KATNA1: variants seen among roughly 807,000 people sequenced by gnomAD.
The protein encoded by KATNA1 is katanin catalytic subunit A1.
KATNA1 carries 42 observed loss-of-function variants against 62.6 expected under a neutral mutation model. The observed-to-expected ratio is 0.67, with a 90% CI of 0.52 to 0.87. KATNA1 has a LOEUF of 0.87. Ranked by LOEUF, KATNA1 falls within the 40% of genes least tolerant of loss-of-function variation. The pLI is 0.00. For missense variants in KATNA1, 498 were observed against 612.5 expected (o/e 0.81, Z 1.97); for synonymous variants, 186 against 201.9 (o/e 0.92, Z 0.67).
chr6:149,627,484 C>T (rs1482752373), intron 3 of KATNA1, among the ~76,000 whole-genome samples: 1 of 146,672 alleles, frequency 6.8e-6, no homozygotes, highest in African/African-American at 2.6e-5. Flanking sequence ...GCCAAGATTA[C>T]ACCACTGCAT....
intron 2 of KATNA1, among the ~76,000 whole-genome samples, chr6:149,635,385 T>C (rs1199167894): frequency 6.6e-6 from 1 of 152,246 alleles, no homozygotes; most frequent in East Asian, 1.9e-4. Context: ...ATTATATATG[T>C]ATTTAATGCC....
At chr6:149,605,400 AAGATT>A (rs1465391379) in intron 4 of KATNA1, among the ~76,000 whole-genome samples, 2 of 152,220 alleles carry the variant, frequency 1.3e-5, no homozygotes, top group African/African-American at 2.4e-5. Context: ...TAGAGGAGAT[AAGATT>A]AAAGACAGAT....
chr6:149,635,369 T>C (rs534783134), intron 2 of KATNA1, among the ~76,000 whole-genome samples: 2 of 152,326 alleles, frequency 1.3e-5, no homozygotes, highest in Non-Finnish European at 2.9e-5. Context: ...ATGGTGATGG[T>C]TGTACATTAT....
chr6:149,604,814 A>G, intron 4 of KATNA1, 32 bp from the exon 5 acceptor site: 1 of 1,599,492 alleles, frequency 6.3e-7, no homozygotes, highest in South Asian at 1.1e-5. Flanking sequence ...AGCGCTTTTG[A>G]TTCATTTATT....
chr6:149,631,063 T>C (rs1451648809), intron 3 of KATNA1, among the ~76,000 whole-genome samples: 1 of 152,152 alleles, frequency 6.6e-6, no homozygotes, highest in Non-Finnish European at 1.5e-5. Flanking sequence ...TAGCCTAAAA[T>C]AGTTCAGGAC....
At chr6:149,603,498 C>T (rs1201184226) in intron 5 of KATNA1, 125 bp from the exon 6 acceptor site, 5 of 533,888 alleles carry the variant, frequency 9.4e-6, no homozygotes, top group Middle Eastern at 3.8e-4. Flanking sequence ...TCTCTGAGCC[C>T]GGGTGAACTA....
intron 4 of KATNA1, among the ~76,000 whole-genome samples, chr6:149,616,199 A>T (rs537136206): frequency 6.6e-6 from 1 of 152,336 alleles, no homozygotes; most frequent in African/African-American, 2.4e-5. Context: ...GTACACTTAA[A>T]AACCGTTAAA....
intron 2 of KATNA1, 66 bp from the exon 3 acceptor site, chr6:149,632,982 G>T: frequency 8.0e-7 from 1 of 1,253,162 alleles, no homozygotes; most frequent in South Asian, 1.6e-5. Flanking sequence ...ATTAAATGAG[G>T]GCCATTTACT....
At chr6:149,625,368 C>T (rs184938520) in intron 3 of KATNA1, among the ~76,000 whole-genome samples, 1 of 152,318 alleles carries the variant, frequency 6.6e-6, no homozygotes, top group East Asian at 1.9e-4. Context: ...GGCACGGTGG[C>T]TCACAATCCC....
At chr6:149,634,953 T>TC (rs1477876634) in intron 2 of KATNA1, among the ~76,000 whole-genome samples, 1 of 151,802 alleles carries the variant, frequency 6.6e-6, no homozygotes, top group East Asian at 1.9e-4. Flanking sequence ...TTTTTTTTTT[T>TC]TTCAAATATT....
intron 10 of KATNA1, 77 bp downstream of exon 10, chr6:149,596,986 C>G (rs1051795594): frequency 6.7e-7 from 1 of 1,487,614 alleles, no homozygotes; most frequent in African/African-American, 1.4e-5. Flanking sequence ...GAGACTGTGT[C>G]TCAAAAAACA....
Position 149,648,547 on chromosome 6 carries a change from G to A in KATNA1, c.-92C>T, listed in dbSNP as rs1012631348. ...GGCGGAGTGGAGATCCCGGCAGCGA[G>A]GAAGGAGGGCCTGACCCAGTCCAGC... On this transcript the variant is annotated 5_prime_UTR_variant, in exon 1 of 11. Transcript: ENST00000367411. 5 of 152,370 alleles carry A rather than the reference G, an allele frequency of 3.3e-5. No homozygotes were observed. The highest frequency in any genetic ancestry group is 1.2e-4 in the African/African-American group (5 of 41,412). The allele number at this position is 152,370 out of a possible 1,614,324, so 9.4% of individuals were successfully genotyped here. A position where few individuals can be genotyped will look rare whatever the true frequency, so the allele number is the denominator to read the frequency against.
chr6:149,625,395 G>C (rs150835362), intron 3 of KATNA1, among the ~76,000 whole-genome samples: 9 of 152,328 alleles, frequency 5.9e-5, no homozygotes, highest in African/African-American at 1.9e-4. Flanking sequence ...TTGGGAGGCT[G>C]AAGTGGGTAG....
At chr6:149,597,743 A>G in intron 8 of KATNA1, 102 bp from the exon 9 acceptor site, 1 of 1,107,350 alleles carries the variant, frequency 9.0e-7, no homozygotes, top group South Asian at 1.5e-5. Flanking sequence ...ACAACAATAC[A>G]AGGAAGCACA....
At chr6:149,624,975 C>G (rs1779552126) in intron 3 of KATNA1, among the ~76,000 whole-genome samples, 1 of 150,890 alleles carries the variant, frequency 6.6e-6, no homozygotes, top group South Asian at 2.1e-4. Flanking sequence ...CAAGAGGGTA[C>G]AATTATAGAC....
At chr6:149,618,247 A>T (rs1292776307) in intron 4 of KATNA1, among the ~76,000 whole-genome samples, 1 of 151,190 alleles carries the variant, frequency 6.6e-6, no homozygotes, top group African/African-American at 2.4e-5. Context: ...GGAGGTTGAG[A>T]CGGGCGGATC....
At chr6:149,609,809 A>AG (rs1778878235) in intron 4 of KATNA1, among the ~76,000 whole-genome samples, 1 of 146,548 alleles carries the variant, frequency 6.8e-6, no homozygotes, top group African/African-American at 2.5e-5. Context: ...TCTCAAAAAA[A>AG]AAAAAAATAG....
At chr6:149,625,208 G>A (rs2114582783) in intron 3 of KATNA1, among the ~76,000 whole-genome samples, 1 of 152,230 alleles carries the variant, frequency 6.6e-6, no homozygotes, top group South Asian at 2.1e-4. Flanking sequence ...GTCTAATACT[G>A]AACATGATAT....
At position 149,638,376 on chromosome 6, in the gene KATNA1, T is replaced by A; in HGVS notation, c.162+10A>T. The A allele has an allele frequency of 6.2e-7, 1 of 1,609,206 alleles. No homozygotes were observed. The highest frequency in any genetic ancestry group is 1.3e-5 in the African/African-American group (1 of 74,766). Reference sequence around the variant, plus strand: ...AAGCCATTAAAACATACAGCAGCCATTACTCTCACCTGTTGCCATTTCTGC... The same window carrying A: ...AAGCCATTAAAACATACAGCAGCCAATACTCTCACCTGTTGCCATTTCTGC... On this transcript the variant is annotated intron_variant, in intron 2 of 10. Coordinates refer to ENST00000367411, the MANE Select transcript of KATNA1 (RefSeq NM_007044.4).
Sources: gnomAD v4.1 joint callset for allele counts (sites outside exome capture counted in the v4.1 genomes callset) on GRCh38, gnomAD v4.1.1 for gene constraint, MANE v1.5 for transcripts, NCBI Gene and HGNC (gene_info 2026-07-23, HGNC 2026-07-21) for gene names.